HECW2: variants seen among roughly 807,000 people sequenced by gnomAD.
The protein encoded by HECW2 is HECT, C2 and WW domain containing E3 ubiquitin protein ligase 2.
In HECW2, 61 loss-of-function variants were observed where a neutral mutation model predicts 175.2. That is an observed-to-expected ratio of 0.35 (90% CI 0.28 to 0.43). The LOEUF is 0.43. Ranked by LOEUF, HECW2 falls within the 20% of genes least tolerant of loss-of-function variation. The probability of loss-of-function intolerance (pLI) is 1.00; values close to 1 mark genes in which losing one functional copy is unlikely to be tolerated. For missense variants in HECW2, 1,524 were observed against 2,000.5 expected (o/e 0.76, Z 4.54); for synonymous variants, 671 against 731.0 (o/e 0.92, Z 1.32).
At chr2:196,338,397 G>A (rs1244451896) in intron 3 of HECW2, among the ~76,000 whole-genome samples, 5 of 152,122 alleles carry the variant, frequency 3.3e-5, no homozygotes, top group Admixed American at 6.5e-5. Flanking sequence ...CTGGGGAGAC[G>A]TTTACTTTCA....
intron 1 of HECW2, among the ~76,000 whole-genome samples, chr2:196,527,718 A>G (rs1281274457): frequency 2.0e-5 from 3 of 152,260 alleles, no homozygotes; most frequent in Non-Finnish European, 4.4e-5. Flanking sequence ...AAAGTAATAC[A>G]TTGCAGAGAA....
chr2:196,455,982 C>T (rs931918498), intron 1 of HECW2, among the ~76,000 whole-genome samples: 3 of 151,664 alleles, frequency 2.0e-5, no homozygotes, highest in African/African-American at 4.8e-5. Flanking sequence ...CTTGTGTTTT[C>T]GACCTAAAAC....
chr2:196,357,930 G>A (rs1693437299), intron 2 of HECW2, among the ~76,000 whole-genome samples: 1 of 152,152 alleles, frequency 6.6e-6, no homozygotes, highest in Non-Finnish European at 1.5e-5. Context: ...AAATTATCCA[G>A]TCTTAGGGAA....
At chr2:196,575,080 CAAAAAAA>C (rs1164886570) in intron 1 of HECW2, among the ~76,000 whole-genome samples, 2 of 29,846 alleles carry the variant, frequency 6.7e-5, no homozygotes, top group African/African-American at 3.1e-4. Flanking sequence ...GGCCTTGTCT[CAAAAAAA>C]AAAAAAAAAA....
intron 1 of HECW2, among the ~76,000 whole-genome samples, chr2:196,471,574 A>G (rs62184694): frequency 0.013 from 2,002 of 152,336 alleles, 29 homozygotes; most frequent in Non-Finnish European, 0.023. Context: ...CTAAATGCCC[A>G]TCAACAGTAG....
At chr2:196,401,199 T>C (rs1349957122) in intron 2 of HECW2, among the ~76,000 whole-genome samples, 1 of 152,116 alleles carries the variant, frequency 6.6e-6, no homozygotes, top group East Asian at 1.9e-4. Flanking sequence ...TAATATCAAA[T>C]ATTAAGACCA....
intron 1 of HECW2, among the ~76,000 whole-genome samples, chr2:196,550,365 T>A (rs1689570130): frequency 1.3e-5 from 2 of 152,280 alleles, no homozygotes; most frequent in East Asian, 3.9e-4. Flanking sequence ...TGAATCACAG[T>A]TGGGAAGTTG....
intron 2 of HECW2, among the ~76,000 whole-genome samples, chr2:196,351,316 A>AT (rs1344541217): frequency 6.6e-6 from 1 of 152,086 alleles, no homozygotes; most frequent in Non-Finnish European, 1.5e-5. Flanking sequence ...TAAAAGATTA[A>AT]TTTTTTTCCT....
chr2:196,361,732 A>G, intron 2 of HECW2: 1 of 924,180 alleles, frequency 1.1e-6, no homozygotes, highest in Non-Finnish European at 1.3e-6. Context: ...AAAGGCAGAG[A>G]AAACTGTAAA....
rs1287346041 is a variant in HECW2 at position 196,433,429 on chromosome 2, C to G, written c.-6G>C. Reference sequence around the variant, plus strand: ...TCCCGGGCTGAACTAGCCATCCCGTCTGCTTCTCTGGGATTGGCTGCCTAC... The same window carrying G: ...TCCCGGGCTGAACTAGCCATCCCGTGTGCTTCTCTGGGATTGGCTGCCTAC... On this transcript the variant is annotated 5_prime_UTR_variant, in exon 2 of 29. Coordinates refer to ENST00000644978, the MANE Select transcript of HECW2 (RefSeq NM_001348768.2). 2 of 1,609,734 alleles carry G rather than the reference C, an allele frequency of 1.2e-6. No individual in the cohort carries two copies. The highest frequency in any genetic ancestry group is 1.7e-6 in the Non-Finnish European group (2 of 1,177,552).
chr2:196,303,541 C>CT (rs1575387038), intron 13 of HECW2, among the ~76,000 whole-genome samples: 1 of 151,964 alleles, frequency 6.6e-6, no homozygotes, highest in South Asian at 2.1e-4. Flanking sequence ...TGATCCCGGG[C>CT]TTTTTTTGGT....
rs189363733 is a variant in HECW2 at position 196,412,693 on chromosome 2, T to C, written c.292+20439A>G. Among the ~76,000 whole-genome samples the C allele has an allele frequency of 5.3e-5, 8 of 152,358 alleles. No individual in the cohort carries two copies. The East Asian group carries it at 1.5e-3, about 29-fold the overall frequency. Reference sequence around the variant, plus strand: ...TTACTGCCACATCTTGATGCTACTATTTACTTGATGCTTTTTCATCTTTGC... The same window carrying C: ...TTACTGCCACATCTTGATGCTACTACTTACTTGATGCTTTTTCATCTTTGC... On this transcript the variant is annotated intron_variant, in intron 2 of 28. Coordinates refer to ENST00000644978, the MANE Select transcript of HECW2 (RefSeq NM_001348768.2).
intron 1 of HECW2, among the ~76,000 whole-genome samples, chr2:196,453,281 T>C (rs2125311504): frequency 6.6e-6 from 1 of 152,346 alleles, no homozygotes; most frequent in South Asian, 2.1e-4. Context: ...ACTGGGGTGA[T>C]GCTAAAATGC....
At chr2:196,312,356 T>C (rs16849417) in intron 10 of HECW2, among the ~76,000 whole-genome samples, 1 of 152,208 alleles carries the variant, frequency 6.6e-6, no homozygotes, top group Admixed American at 6.5e-5. Context: ...AAAACTATAA[T>C]AACCACAGGT....
Position 196,376,932 on chromosome 2 carries a change from C to CA in HECW2, c.293-33169dup, listed in dbSNP as rs901077745. Among the ~76,000 whole-genome samples the CA allele has an allele frequency of 2.7e-4, 40 of 146,198 alleles. No individual in the cohort carries two copies. In the East Asian group the frequency reaches 4.2e-3, roughly 15 times the overall value. ...AGGCAACAAGAGCAAAACTCCATCT[C>CA]AAAAAAAAAATCAATACATAAAAAT... On this transcript the variant is annotated intron_variant, in intron 2 of 28. Coordinates refer to ENST00000644978, the MANE Select transcript of HECW2 (RefSeq NM_001348768.2).
chr2:196,414,291 G>A (rs1425830255), intron 2 of HECW2, among the ~76,000 whole-genome samples: 1 of 152,186 alleles, frequency 6.6e-6, no homozygotes, highest in Non-Finnish European at 1.5e-5. Flanking sequence ...CTCAGCCAGA[G>A]TCAGCTCAAT....
chr2:196,402,835 C>T (rs1694858916), intron 2 of HECW2, among the ~76,000 whole-genome samples: 1 of 121,178 alleles, frequency 8.3e-6, no homozygotes, highest in Non-Finnish European at 1.6e-5. Flanking sequence ...GAGACAGAGT[C>T]TCGCTCTGTC....
intron 2 of HECW2, among the ~76,000 whole-genome samples, chr2:196,420,241 C>T (rs1193483956): frequency 6.6e-6 from 1 of 152,216 alleles, no homozygotes; most frequent in Non-Finnish European, 1.5e-5. Context: ...TTGCTCAATG[C>T]AGTTTCTCTG....
intron 1 of HECW2, among the ~76,000 whole-genome samples, chr2:196,492,082 T>G (rs892441240): frequency 5.3e-5 from 8 of 152,208 alleles, no homozygotes; most frequent in African/African-American, 1.9e-4. Context: ...ATTTAATGTT[T>G]AAAATAAAAA....
Sources: allele counts gnomAD v4.1 joint callset (sites outside exome capture counted in the v4.1 genomes callset), GRCh38; gene constraint gnomAD v4.1.1; transcripts MANE v1.5; gene names NCBI Gene and HGNC (gene_info 2026-07-23, HGNC 2026-07-21).